The following ST6GALNAC3 variants were observed in gnomAD, a reference collection of about 807,000 sequenced individuals.
ST6GALNAC3 encodes the protein ST6 N-acetylgalactosaminide alpha-2,6-sialyltransferase 3.
A neutral mutation model predicts 32.7 loss-of-function variants in ST6GALNAC3; 25 were observed. The ratio of observed to expected loss-of-function variants is 0.76; its 90% CI spans 0.56 to 1.07. ST6GALNAC3 has a LOEUF of 1.07. Ranked by LOEUF, ST6GALNAC3 falls within the 50% of genes least tolerant of loss-of-function variation. The pLI is 0.00. For synonymous variants in ST6GALNAC3, 129 were observed against 133.1 expected (o/e 0.97, Z 0.21); for missense variants, 355 against 382.4 (o/e 0.93, Z 0.60).
At chr1:76,587,370 C>T (rs776790344) in intron 3 of ST6GALNAC3, among the ~76,000 whole-genome samples, 1 of 152,124 alleles carries the variant, frequency 6.6e-6, no homozygotes, top group Non-Finnish European at 1.5e-5. Flanking sequence ...CATTACTGCT[C>T]GATCAGTTCT....
At chr1:76,505,740 A>G (rs1661442512) in intron 3 of ST6GALNAC3, among the ~76,000 whole-genome samples, 3 of 152,130 alleles carry the variant, frequency 2.0e-5, no homozygotes, top group African/African-American at 4.8e-5. Flanking sequence ...AACACTGAAA[A>G]TGGAGTTCAG....
intron 3 of ST6GALNAC3, among the ~76,000 whole-genome samples, chr1:76,548,533 G>A (rs1664431466): frequency 6.6e-6 from 1 of 152,166 alleles, no homozygotes. Context: ...GACATAGCAG[G>A]AGTTAAGGGA....
chr1:76,178,928 TTGTGGC>T (rs1653009359), intron 1 of ST6GALNAC3, among the ~76,000 whole-genome samples: 1 of 152,210 alleles, frequency 6.6e-6, no homozygotes, highest in African/African-American at 2.4e-5. Context: ...TGTCAACCCC[TTGTGGC>T]TGTTCCATCC....
chr1:76,303,762 T>C (rs1660869179), intron 1 of ST6GALNAC3, among the ~76,000 whole-genome samples: 1 of 152,086 alleles, frequency 6.6e-6, no homozygotes, highest in Admixed American at 6.6e-5. Context: ...TTATGTGCCA[T>C]ATAAAAAATG....
intron 3 of ST6GALNAC3, among the ~76,000 whole-genome samples, chr1:76,622,190 A>G (rs936006394): frequency 6.6e-6 from 1 of 152,016 alleles, no homozygotes; most frequent in African/African-American, 2.4e-5. Flanking sequence ...GAACCATTTC[A>G]TGAAAGGAGT....
chr1:76,511,692 T>C (rs17099115), intron 3 of ST6GALNAC3, among the ~76,000 whole-genome samples: 3,154 of 152,312 alleles, frequency 0.021, 120 homozygotes, highest in African/African-American at 0.073. Flanking sequence ...TGTGTGTGGC[T>C]GTGCCTTTTT....
intron 3 of ST6GALNAC3, among the ~76,000 whole-genome samples, chr1:76,618,632 T>TA (rs1204571194): frequency 6.6e-6 from 1 of 152,176 alleles, no homozygotes; most frequent in African/African-American, 2.4e-5. Flanking sequence ...ATAACTCTGC[T>TA]AAGCTTAGCT....
intron 3 of ST6GALNAC3, among the ~76,000 whole-genome samples, chr1:76,506,959 G>A (rs1210149017): frequency 6.6e-6 from 1 of 152,196 alleles, no homozygotes; most frequent in Non-Finnish European, 1.5e-5. Flanking sequence ...TGGGAACAAT[G>A]AAAAGTGACA....
At chr1:76,192,160 A>G (rs1653935214) in intron 1 of ST6GALNAC3, among the ~76,000 whole-genome samples, 1 of 152,216 alleles carries the variant, frequency 6.6e-6, no homozygotes, top group Non-Finnish European at 1.5e-5. Flanking sequence ...AGAAACTAAT[A>G]TAATACTGAT....
intron 1 of ST6GALNAC3, among the ~76,000 whole-genome samples, chr1:76,231,720 T>C (rs1450220949): frequency 1.3e-5 from 2 of 152,246 alleles, no homozygotes; most frequent in Non-Finnish European, 2.9e-5. Flanking sequence ...TATGTCACTT[T>C]TTTTTCATCC....
At chr1:76,473,747 C>T (rs1395322987) in intron 3 of ST6GALNAC3, among the ~76,000 whole-genome samples, 2 of 152,156 alleles carry the variant, frequency 1.3e-5, no homozygotes, top group African/African-American at 2.4e-5. Flanking sequence ...TCCTTTCCTG[C>T]ATACTCTTTT....
intron 2 of ST6GALNAC3, among the ~76,000 whole-genome samples, chr1:76,338,117 T>C (rs1647657261): frequency 6.6e-6 from 1 of 152,202 alleles, no homozygotes; most frequent in Non-Finnish European, 1.5e-5. Flanking sequence ...ATGTTGTGGC[T>C]ATTAACATTT....
At chr1:76,307,203 T>G (rs1247517167) in intron 1 of ST6GALNAC3, among the ~76,000 whole-genome samples, 3 of 152,108 alleles carry the variant, frequency 2.0e-5, no homozygotes, top group Non-Finnish European at 4.4e-5. Flanking sequence ...CTTCTTTACT[T>G]ACCCATACCC....
chr1:76,363,617 A>G (rs1344646333), intron 2 of ST6GALNAC3, among the ~76,000 whole-genome samples: 1 of 152,196 alleles, frequency 6.6e-6, no homozygotes, highest in Non-Finnish European at 1.5e-5. Flanking sequence ...TGTATTAGTC[A>G]GTTCTTGTGC....
At chr1:76,609,940 T>C (rs556196397) in intron 3 of ST6GALNAC3, among the ~76,000 whole-genome samples, 167 of 152,304 alleles carry the variant, frequency 1.1e-3, no homozygotes, top group Middle Eastern at 3.4e-3. Flanking sequence ...TTTAATCTAG[T>C]GCTAAGAGTG....
chr1:76,515,944 T>C (rs1662144442), intron 3 of ST6GALNAC3, among the ~76,000 whole-genome samples: 2 of 152,350 alleles, frequency 1.3e-5, no homozygotes, highest in South Asian at 4.1e-4. Context: ...TGTAGTTTAA[T>C]ATGATGTTTC....
chr1:76,501,240 G>A (rs1661158936), intron 3 of ST6GALNAC3, among the ~76,000 whole-genome samples: 1 of 152,096 alleles, frequency 6.6e-6, no homozygotes, highest in Admixed American at 6.6e-5. Flanking sequence ...GATGGAAAAG[G>A]CCAGAGCCTG....
intron 3 of ST6GALNAC3, among the ~76,000 whole-genome samples, chr1:76,578,396 TTTTG>T (rs920382666): frequency 4.6e-5 from 7 of 152,038 alleles, no homozygotes; most frequent in African/African-American, 9.7e-5. Flanking sequence ...AGTTTGGGGT[TTTTG>T]TTTGTTGGCT....
At chr1:76,085,125 A>G (rs1038123156) in intron 1 of ST6GALNAC3, among the ~76,000 whole-genome samples, 3 of 152,218 alleles carry the variant, frequency 2.0e-5, no homozygotes, top group Non-Finnish European at 2.9e-5. Context: ...GAAGAATAAG[A>G]GTTGACAGGT....
Sources: gnomAD v4.1 joint callset for allele counts (sites outside exome capture counted in the v4.1 genomes callset) on GRCh38, gnomAD v4.1.1 for gene constraint, MANE v1.5 for transcripts, NCBI Gene and HGNC (gene_info 2026-07-23, HGNC 2026-07-21) for gene names.